SYNGR1: variants seen among roughly 807,000 people sequenced by gnomAD.
The protein encoded by SYNGR1 is synaptogyrin-1.
Under a neutral mutation model 26.1 loss-of-function variants are expected in SYNGR1, and 14 were observed. The observed-to-expected ratio is 0.54, with a 90% CI of 0.35 to 0.84. The LOEUF is 0.84. SYNGR1 is among the 40% of genes least tolerant of loss of function. The probability of loss-of-function intolerance (pLI) is 0.01; values close to 1 mark genes in which losing one functional copy is unlikely to be tolerated. For missense variants in SYNGR1, 319 were observed against 332.9 expected, an observed-to-expected ratio of 0.96 and a Z score of 0.33; for synonymous variants, 141 against 150.1, an observed-to-expected ratio of 0.94 and a Z score of 0.44.
At chr22:39,352,907 G>A (rs1807560) in intron 1 of SYNGR1, among the ~76,000 whole-genome samples, 33,829 of 152,062 alleles carry the variant, frequency 0.22, 5,291 homozygotes, top group East Asian at 0.77. Context: ...TGTTGCCCAG[G>A]CTGGAGTACA....
intron 1 of SYNGR1, among the ~76,000 whole-genome samples, chr22:39,358,739 G>A (rs1222702342): frequency 2.0e-5 from 3 of 152,126 alleles, no homozygotes; most frequent in African/African-American, 7.2e-5. Flanking sequence ...GAGAGGGTCC[G>A]CGGCTTCATT....
Position 39,370,649 on chromosome 22 carries a change from G to A in SYNGR1, c.100-3667G>A, listed in dbSNP as rs146019611. Among the ~76,000 whole-genome samples the A allele has an allele frequency of 6.3e-4, 91 of 144,980 alleles. 1 individual carries two copies. The East Asian group carries it at 0.011, about 18-fold the overall frequency. ...CATTTTTTTTTTTTTTTGAGACAAT[G>A]TCCCGCTCTGTCGGCTGGAGTGCAG... On this transcript the variant is annotated intron_variant, in intron 1 of 3. Transcript: ENST00000328933.
At chr22:39,352,462 C>T (rs1319207264) in intron 1 of SYNGR1, among the ~76,000 whole-genome samples, 1 of 152,170 alleles carries the variant, frequency 6.6e-6, no homozygotes, top group Non-Finnish European at 1.5e-5. Flanking sequence ...TTGTATGTTA[C>T]GTGTGTTTTA....
chr22:39,377,001 T>C lies in SYNGR1; in HGVS notation c.483+804T>C. On this transcript the variant is annotated intron_variant, in intron 3 of 3. Coordinates refer to ENST00000328933, the MANE Select transcript of SYNGR1 (RefSeq NM_004711.5). ...GTCATGTCTGTTTCTTCTCTCCTAATCACCCTTCTGCAGAGATCTGGGGCC... is the reference window on the plus strand; with the variant it reads ...GTCATGTCTGTTTCTTCTCTCCTAACCACCCTTCTGCAGAGATCTGGGGCC... The C allele has an allele frequency of 3.9e-6, 6 of 1,550,790 alleles. No homozygotes were observed. The South Asian group carries it at 7.1e-5, about 18-fold the overall frequency.
intron 1 of SYNGR1, among the ~76,000 whole-genome samples, chr22:39,352,931 G>A (rs900741536): frequency 1.3e-5 from 2 of 151,852 alleles, no homozygotes; most frequent in Non-Finnish European, 2.9e-5. Flanking sequence ...GTGCCATCTC[G>A]GCTCATTGCA....
chr22:39,376,903 A>G (rs1925308939), intron 3 of SYNGR1: 9 of 1,514,660 alleles, frequency 5.9e-6, no homozygotes, highest in Non-Finnish European at 7.9e-6. Context: ...GTGTGTGTCA[A>G]ACAAAGTATG....
chr22:39,378,304 GT>G, intron 3 of SYNGR1: 1 of 963,086 alleles, frequency 1.0e-6, no homozygotes. Context: ...TCTCAAGGCT[GT>G]TGTGCCAATG....
intron 1 of SYNGR1, among the ~76,000 whole-genome samples, chr22:39,361,275 C>G (rs1389196681): frequency 6.6e-6 from 1 of 151,810 alleles, no homozygotes; most frequent in Non-Finnish European, 1.5e-5. Flanking sequence ...ACCAAACAAC[C>G]TCAGGCATGC....
In SYNGR1 at chr22:39,350,026, T is replaced by C. The variant is rs1298211239; in HGVS notation, c.16T>C (p.Tyr6His). The change falls in exon 1 of 4, where the codon TAC becomes CAC. Residue 6 changes from tyrosine (Y) to histidine (H), a missense_variant. By Grantham distance (83) the Tyr-to-His change is moderately conservative (BLOSUM62 2). Transcript: ENST00000328933. The surrounding 1 kb of genome is among the most constrained non-coding windows in gnomAD (Gnocchi z 4.3). ...TGCAGCCACGATGGAAGGGGGTGCG[T>C]ACGGAGCGGGCAAAGCCGGGGGCGC... MEGGAYGAGKAGGAFD... is the reference protein window; with the variant it reads MEGGAHGAGKAGGAFD... 1.5e-6 allele frequency: 2 copies of C among 1,376,962 alleles called. No individual in the cohort carries two copies. The highest frequency in any genetic ancestry group is 2.2e-5 in the Admixed American group (1 of 44,922). The allele number at this position is 1,376,962 out of a possible 1,614,324, so 85.3% of individuals were successfully genotyped here. A position where few individuals can be genotyped will look rare whatever the true frequency, so the allele number is the denominator to read the frequency against.
At chr22:39,363,525 G>T (rs1239749679) in intron 1 of SYNGR1, among the ~76,000 whole-genome samples, 1 of 152,046 alleles carries the variant, frequency 6.6e-6, no homozygotes, top group Non-Finnish European at 1.5e-5. Flanking sequence ...AGCAGCTGGT[G>T]CTGGGGAGGC....
In SYNGR1 at chr22:39,384,200, T is replaced by C. The variant is rs1199219539; in HGVS notation, c.*2286T>C. 1.6e-5 allele frequency: 4 copies of C among 254,562 alleles called. No individual in the cohort carries two copies. Among genetic ancestry groups the C allele is most frequent in the Non-Finnish European group, 3.0e-5 (4 of 134,638 alleles). 15.8% of individuals were successfully genotyped at this position (254,562 alleles called of 1,614,324 possible). The stretch of plus-strand genomic sequence containing the variant: ...ACTGTCCACCAAAAGCCTCTCCTGC[T>C]GATGGGCACTAGGAGACCTCAGGGT... On this transcript the variant is annotated 3_prime_UTR_variant, in exon 4 of 4. Transcript: ENST00000328933.
chr22:39,382,182 T>G lies in SYNGR1; in HGVS notation c.*268T>G. ...CATTCATACATTGTGTCATCAAGCA[T>G]TCCTTGAGCGCCTACTGGGCATCCG... On this transcript the variant is annotated 3_prime_UTR_variant, in exon 4 of 4. Coordinates refer to ENST00000328933, the MANE Select transcript of SYNGR1 (RefSeq NM_004711.5). 1.8e-6 allele frequency: 1 copy of G among 560,688 alleles called. No individual in the cohort carries two copies. The highest frequency in any genetic ancestry group is 3.2e-6 in the Non-Finnish European group (1 of 311,374). The allele number at this position is 560,688 out of a possible 1,614,324, so 34.7% of individuals were successfully genotyped here. A position where few individuals can be genotyped will look rare whatever the true frequency, so the allele number is the denominator to read the frequency against.
At position 39,382,085 on chromosome 22, in the gene SYNGR1, C is replaced by T. The variant is rs1298071009; in HGVS notation, c.*171C>T. On this transcript the variant is annotated 3_prime_UTR_variant, in exon 4 of 4. Coordinates refer to ENST00000328933, the MANE Select transcript of SYNGR1 (RefSeq NM_004711.5). ...GGGGCAGTCCAGTGTTGGGGACTGT[C>T]TACGTATGTGCAAGTATATCCCAGG... 5.7e-6 allele frequency: 4 copies of T among 705,990 alleles called. No homozygotes were observed. Among genetic ancestry groups the T allele is most frequent in the African/African-American group, 3.5e-5 (2 of 56,882 alleles). 43.7% of individuals were successfully genotyped at this position (705,990 alleles called of 1,614,324 possible).
In SYNGR1 at chr22:39,374,388, T is replaced by C. The variant is rs748528372; in HGVS notation, c.172T>C (p.Phe58Leu). The part of the protein sequence containing the change: ...YLNSASEGEE[F>L]CIYNRNPNAC... ...CAACAGCGCCTCCGAGGGGGAGGAG[T>C]TCTGCATCTACAACCGCAACCCCAA... Residue 58 changes from phenylalanine to leucine, a missense_variant, in exon 2 of 4, where the codon TTC becomes CTC. Physicochemically the swap from Phe to Leu is conservative, Grantham distance 22 (BLOSUM62 0). Coordinates refer to ENST00000328933, the MANE Select transcript of SYNGR1 (RefSeq NM_004711.5). 2 of 1,613,226 alleles carry C rather than the reference T, an allele frequency of 1.2e-6. No homozygotes were observed. The highest frequency in any genetic ancestry group is 1.7e-6 in the Non-Finnish European group (2 of 1,179,830).
intron 1 of SYNGR1, among the ~76,000 whole-genome samples, chr22:39,368,533 T>C (rs1402426285): frequency 6.6e-6 from 1 of 152,188 alleles, no homozygotes; most frequent in Non-Finnish European, 1.5e-5. Flanking sequence ...CCCCGCCCAG[T>C]CCCTCCGAAG....
At position 39,350,090 on chromosome 22, in the gene SYNGR1, T is replaced by C; in HGVS notation, c.80T>C (p.Ile27Thr). Reference protein sequence around the residue: ...PYTLVRQPHTILRVVSWLFSI... With the variant: ...PYTLVRQPHTTLRVVSWLFSI... ...ACCCTGGTCCGGCAGCCGCACACCA[T>C]CCTGCGCGTCGTGTCTTGGGTAAGG... The change falls in exon 1 of 4, where the codon ATC (isoleucine) becomes ACC (threonine). Residue 27 changes from isoleucine to threonine, a missense_variant. Transcript: ENST00000328933. The surrounding 1 kb of genome is among the most constrained non-coding windows in gnomAD (Gnocchi z 4.3). The C allele has an allele frequency of 6.8e-7, 1 of 1,466,734 alleles. No individual in the cohort carries two copies. The highest frequency in any genetic ancestry group is 9.1e-7 in the Non-Finnish European group (1 of 1,096,798). 90.9% of individuals were successfully genotyped at this position (1,466,734 alleles called of 1,614,324 possible). A position where few individuals can be genotyped will look rare whatever the true frequency, so the allele number is the denominator to read the frequency against.
In SYNGR1 at chr22:39,385,020, C is replaced by T. The variant is rs1037245993; in HGVS notation, c.*3106C>T. ...CCAGGGGACTGACGTTAGTTCCCTA[C>T]TCCATCCTTCCCTGGTGATTCTTGA... is the stretch of plus-strand genomic sequence containing the variant. On this transcript the variant is annotated 3_prime_UTR_variant, in exon 4 of 4. Transcript: ENST00000328933. The T allele has an allele frequency of 7.5e-6, 3 of 398,786 alleles. No individual in the cohort carries two copies. The highest frequency in any genetic ancestry group is 2.1e-5 in the African/African-American group (1 of 48,626). The allele number at this position is 398,786 out of a possible 1,614,324, so 24.7% of individuals were successfully genotyped here. A position where few individuals can be genotyped will look rare whatever the true frequency, so the allele number is the denominator to read the frequency against.
At chr22:39,377,563 T>G in intron 3 of SYNGR1, 1 of 1,608,460 alleles carries the variant, frequency 6.2e-7, no homozygotes, top group African/African-American at 1.3e-5. Context: ...CTGCAGCTCT[T>G]CCCCACTGGC....
At position 39,350,069 on chromosome 22, in the gene SYNGR1, T is replaced by A; in HGVS notation, c.59T>A (p.Leu20Gln). 6.8e-7 allele frequency: 1 copy of A among 1,464,830 alleles called. No individual in the cohort carries two copies. Among genetic ancestry groups the A allele is most frequent in the Non-Finnish European group, 9.1e-7 (1 of 1,095,176 alleles). The allele number at this position is 1,464,830 out of a possible 1,614,324, so 90.7% of individuals were successfully genotyped here. The change falls in exon 1 of 4, where the codon CTG (leucine) becomes CAG (glutamine). Residue 20 changes from leucine to glutamine, a missense_variant. By Grantham distance (113) the Leu-to-Gln change is moderately radical (BLOSUM62 -2). Coordinates refer to ENST00000328933, the MANE Select transcript of SYNGR1 (RefSeq NM_004711.5). The surrounding 1 kb of genome is among the most constrained non-coding windows in gnomAD (Gnocchi z 4.3). ...GGGGGCGCCTTCGACCCCTACACCC[T>A]GGTCCGGCAGCCGCACACCATCCTG... ...KAGGAFDPYTLVRQPHTILRV... is the reference protein window; with the variant it reads ...KAGGAFDPYTQVRQPHTILRV...
Sources: gnomAD v4.1 joint callset for allele counts (sites outside exome capture counted in the v4.1 genomes callset) on GRCh38, gnomAD v4.1.1 for gene constraint, Gnocchi (gnomAD v3.1) non-coding constraint, MANE v1.5 for transcripts, NCBI Gene and HGNC (gene_info 2026-07-23, HGNC 2026-07-21) for gene names.